The following RALYL variants were observed in gnomAD, a reference collection of about 807,000 sequenced individuals.
The protein encoded by RALYL is RALY RNA binding protein like, also known as RNA-binding Raly-like protein.
RALYL carries 29 observed loss-of-function variants against 35.1 expected under a neutral mutation model. The observed-to-expected ratio is 0.83, with a 90% confidence interval of 0.61 to 1.13. The LOEUF (loss-of-function observed/expected upper bound fraction) is 1.13. Ranked by LOEUF, RALYL falls within the 50% of genes most tolerant of loss-of-function variation. The pLI is 0.00. For synonymous variants in RALYL, 120 were observed against 127.6 expected, an observed-to-expected ratio of 0.94 and a Z score of 0.40; for missense variants, 359 against 360.4, an observed-to-expected ratio of 1.00 and a Z score of 0.03.
intron 1 of RALYL, among the ~76,000 whole-genome samples, chr8:84,223,209 C>A (rs867308973): frequency 1.4e-4 from 12 of 88,874 alleles, no homozygotes; most frequent in Non-Finnish European, 2.0e-5. Flanking sequence ...CCTTCCATTC[C>A]TCCCTTCCCT....
At chr8:84,852,544 A>C (rs1459498217) in intron 5 of RALYL, among the ~76,000 whole-genome samples, 1 of 152,194 alleles carries the variant, frequency 6.6e-6, no homozygotes, top group African/African-American at 2.4e-5. Flanking sequence ...TTCAATTAAT[A>C]TACATTGTCT....
chr8:84,848,353 T>C (rs138285282), intron 4 of RALYL, among the ~76,000 whole-genome samples: 385 of 151,972 alleles, frequency 2.5e-3, no homozygotes, highest in African/African-American at 8.3e-3. Context: ...ATTTTAATAA[T>C]ATTCTATTGG....
intron 3 of RALYL, among the ~76,000 whole-genome samples, chr8:84,778,730 G>A (rs187827492): frequency 2.8e-3 from 433 of 152,294 alleles, no homozygotes; most frequent in Non-Finnish European, 5.0e-3. Flanking sequence ...AGGTTAAGGA[G>A]AGCTGACTTT....
intron 4 of RALYL, among the ~76,000 whole-genome samples, chr8:84,830,544 C>T (rs867033510): frequency 2.0e-5 from 3 of 151,962 alleles, no homozygotes; most frequent in East Asian, 1.9e-4. Flanking sequence ...AAAAAGTAGA[C>T]CATTATAAGT....
chr8:84,679,729 C>A (rs946434501), intron 2 of RALYL: 2 of 521,724 alleles, frequency 3.8e-6, no homozygotes, highest in Admixed American at 4.0e-5. Context: ...ATATTAAGTG[C>A]TGATGGCCAC....
At chr8:84,727,368 C>T (rs887380013) in intron 2 of RALYL, among the ~76,000 whole-genome samples, 2 of 151,952 alleles carry the variant, frequency 1.3e-5, no homozygotes, top group South Asian at 2.1e-4. Context: ...AACGATTTCC[C>T]CCAAAATTGA....
intron 1 of RALYL, among the ~76,000 whole-genome samples, chr8:84,234,992 T>C (rs1377998282): frequency 6.6e-6 from 1 of 152,088 alleles, no homozygotes; most frequent in African/African-American, 2.4e-5. Flanking sequence ...CTGGAACTTC[T>C]GACCTTGTGA....
chr8:84,386,891 T>G (rs1169376976), intron 1 of RALYL, among the ~76,000 whole-genome samples: 8 of 151,884 alleles, frequency 5.3e-5, no homozygotes, highest in African/African-American at 1.9e-4. Context: ...CCTCAATAAC[T>G]GACACCTATT....
chr8:84,595,759 A>G (rs1157055131), intron 2 of RALYL, among the ~76,000 whole-genome samples: 4 of 148,600 alleles, frequency 2.7e-5, no homozygotes, highest in South Asian at 2.1e-4. Context: ...AGTTAAAACC[A>G]TAAGTTTTTT....
At chr8:84,708,088 C>T (rs77883185) in intron 2 of RALYL, among the ~76,000 whole-genome samples, 4,564 of 152,144 alleles carry the variant, frequency 0.03, 115 homozygotes, top group Non-Finnish European at 0.05. Context: ...AATCAACTTT[C>T]TAATTTTTCT....
chr8:84,904,952 C>T (rs1218005365), intron 8 of RALYL, among the ~76,000 whole-genome samples: 2 of 152,054 alleles, frequency 1.3e-5, no homozygotes, highest in Non-Finnish European at 2.9e-5. Flanking sequence ...AATGGAAGAA[C>T]ACTTAACATG....
At chr8:84,665,059 C>T (rs1271010516) in intron 2 of RALYL, among the ~76,000 whole-genome samples, 1 of 152,034 alleles carries the variant, frequency 6.6e-6, no homozygotes, top group Non-Finnish European at 1.5e-5. Context: ...TTATTGAAGG[C>T]TTTTTCTGCA....
intron 5 of RALYL, among the ~76,000 whole-genome samples, chr8:84,851,591 T>A (rs953783570): frequency 6.6e-6 from 1 of 152,196 alleles, no homozygotes; most frequent in Non-Finnish European, 1.5e-5. Flanking sequence ...GAAAAAATTT[T>A]TCAATAGATG....
chr8:84,439,119 A>G (rs1228507183), intron 1 of RALYL, among the ~76,000 whole-genome samples: 1 of 151,998 alleles, frequency 6.6e-6, no homozygotes, highest in Non-Finnish European at 1.5e-5. Context: ...TAATTCTGTA[A>G]AAAATGATGT....
intron 8 of RALYL, among the ~76,000 whole-genome samples, chr8:84,895,345 A>G (rs1482995089): frequency 6.6e-6 from 1 of 152,108 alleles, no homozygotes; most frequent in Non-Finnish European, 1.5e-5. Flanking sequence ...ATGACAAAAA[A>G]AAAAAAAAGA....
intron 3 of RALYL, among the ~76,000 whole-genome samples, chr8:84,793,440 T>G (rs141869171): frequency 6.6e-6 from 1 of 152,212 alleles, no homozygotes; most frequent in African/African-American, 2.4e-5. Flanking sequence ...CTTAGCATTG[T>G]GGAGACCATT....
intron 1 of RALYL, among the ~76,000 whole-genome samples, chr8:84,481,607 T>C (rs1247152103): frequency 1.3e-5 from 2 of 152,150 alleles, no homozygotes; most frequent in African/African-American, 4.8e-5. Flanking sequence ...AATGATTGGA[T>C]AGTGATGATA....
At chr8:84,309,500 C>A (rs1842368100) in intron 1 of RALYL, among the ~76,000 whole-genome samples, 1 of 151,668 alleles carries the variant, frequency 6.6e-6, no homozygotes, top group Admixed American at 6.6e-5. Flanking sequence ...AAAAGTAATT[C>A]TAAAATAAAA....
At chr8:84,788,596 C>G (rs1820091259) in intron 3 of RALYL, among the ~76,000 whole-genome samples, 1 of 152,156 alleles carries the variant, frequency 6.6e-6, no homozygotes, top group South Asian at 2.1e-4. Context: ...TAGTACTAGA[C>G]TGCTTTAGTC....
Sources: allele counts gnomAD v4.1 joint callset (sites outside exome capture counted in the v4.1 genomes callset), GRCh38; gene constraint gnomAD v4.1.1; transcripts MANE v1.5; gene names NCBI Gene and HGNC (gene_info 2026-07-23, HGNC 2026-07-21).